Variants in EIF4ENIF1 observed in about 807,000 individuals in gnomAD.
EIF4ENIF1 encodes eukaryotic translation initiation factor 4E transporter.
In EIF4ENIF1, 23 loss-of-function variants were observed where a neutral mutation model predicts 110.5. The ratio of observed to expected loss-of-function variants is 0.21; its 90% CI spans 0.15 to 0.29. EIF4ENIF1 has a LOEUF of 0.29. Among genes scored for constraint, EIF4ENIF1 ranks in the 10% least tolerant of loss-of-function variants. The probability of loss-of-function intolerance (pLI) is 1.00; values close to 1 mark genes in which losing one functional copy is unlikely to be tolerated. For synonymous variants in EIF4ENIF1, 440 were observed against 437.0 expected (o/e 1.01, Z -0.09); for missense variants, 1,031 against 1,221.1 (o/e 0.84, Z 2.32).
rs187069445 is a variant in EIF4ENIF1, at chr22:31,475,435, G to A, written c.97-3518C>T. ...GCCTGGGCAATATAAGGAGACACCT[G>A]TCTCTACAAAAAATATTTTAAAATT... On this transcript the variant is annotated intron_variant, in intron 2 of 18. Coordinates refer to ENST00000330125, the MANE Select transcript of EIF4ENIF1 (RefSeq NM_019843.4). 2.6e-5 allele frequency among the ~76,000 whole-genome samples: 4 copies of A among 152,152 alleles called. No individual in the cohort carries two copies. The East Asian group carries it at 7.7e-4, about 29-fold the overall frequency.
intron 4 of EIF4ENIF1, among the ~76,000 whole-genome samples, chr22:31,466,533 G>C (rs1227318780): frequency 6.7e-6 from 1 of 150,314 alleles, no homozygotes; most frequent in Admixed American, 6.7e-5. Flanking sequence ...AGTAAGCAGA[G>C]ACCACGCCAC....
rs1383788713 is a variant in EIF4ENIF1 at position 31,458,489 on chromosome 22, G to A, written c.949C>T (p.Pro317Ser). 5 of 1,594,744 alleles carry A rather than the reference G, an allele frequency of 3.1e-6. No homozygotes were observed. The Admixed American group carries it at 5.1e-5, about 16-fold the overall frequency. Residue 317 changes from proline (P) to serine (S), a missense_variant, in exon 7 of 19, where the codon CCA becomes TCA. By Grantham distance (74) the Pro-to-Ser change is moderately conservative. Transcript: ENST00000330125. ...GCTACACTCACCGAAGCCAAGCATGGCACCTTATCAAGGTTAAAGAACTCA... is the reference window on the plus strand; with the variant it reads ...GCTACACTCACCGAAGCCAAGCATGACACCTTATCAAGGTTAAAGAACTCA... ...FNEFFNLDKVPCLASMIEDVL... is the reference protein window; with the variant it reads ...FNEFFNLDKVSCLASMIEDVL...
At chr22:31,490,255 G>T (rs2052225214), upstream of EIF4ENIF1, among the ~76,000 whole-genome samples, 1 of 152,268 alleles carries the variant, frequency 6.6e-6, no homozygotes. Context: ...CCTGTGGCGC[G>T]ACGACCGCTG....
At chr22:31,467,651 C>G (rs1467447260) in intron 4 of EIF4ENIF1, among the ~76,000 whole-genome samples, 2 of 151,996 alleles carry the variant, frequency 1.3e-5, no homozygotes, top group Non-Finnish European at 2.9e-5. Context: ...GGTGAAACCC[C>G]ATCTCTACTA....
At chr22:31,460,921 G>A (rs1340599877) in intron 6 of EIF4ENIF1, among the ~76,000 whole-genome samples, 3 of 152,118 alleles carry the variant, frequency 2.0e-5, no homozygotes, top group Non-Finnish European at 2.9e-5. Flanking sequence ...CTCCAGCCTA[G>A]GCAACAAAGC....
At chr22:31,474,024 T>C (rs1376744925) in intron 2 of EIF4ENIF1, among the ~76,000 whole-genome samples, 2 of 152,050 alleles carry the variant, frequency 1.3e-5, no homozygotes, top group Non-Finnish European at 2.9e-5. Context: ...TATATACCTA[T>C]GTATTATTGG....
intron 3 of EIF4ENIF1, among the ~76,000 whole-genome samples, chr22:31,468,796 T>C (rs1419826936): frequency 6.6e-6 from 1 of 152,218 alleles, no homozygotes; most frequent in Non-Finnish European, 1.5e-5. Context: ...TGCTTTGTTG[T>C]TGATCACACA....
intron 2 of EIF4ENIF1, among the ~76,000 whole-genome samples, chr22:31,475,792 T>C (rs2146054296): frequency 6.6e-6 from 1 of 150,862 alleles, no homozygotes; most frequent in East Asian, 1.9e-4. Context: ...GGAGGGTCAC[T>C]TGAGGTCAAG....
At chr22:31,488,061 A>G (rs1229062479) in intron 2 of EIF4ENIF1, among the ~76,000 whole-genome samples, 2 of 152,152 alleles carry the variant, frequency 1.3e-5, no homozygotes, top group Admixed American at 6.5e-5. Context: ...TCTCTCCCAA[A>G]AGCAGTTATC....
chr22:31,440,791 A>G lies in EIF4ENIF1; in HGVS notation c.2629T>C (p.Leu877=). ...GPILGQPFYP[L]PAASHPLLNP... ...AAGAGAGGGTGACTAGCAGCAGGTA[A>G]AGGGTAAAAGGGCTGACCCAGGATG... The change falls in exon 18 of 19, where the codon TTA becomes CTA. Residue 877 remains leucine (L), a synonymous_variant. Transcript: ENST00000330125. 2 of 1,614,002 alleles carry G rather than the reference A, an allele frequency of 1.2e-6. No individual in the cohort carries two copies. The highest frequency in any genetic ancestry group is 1.7e-6 in the Non-Finnish European group (2 of 1,179,884).
chr22:31,471,402 C>T (rs1340373034), intron 3 of EIF4ENIF1, among the ~76,000 whole-genome samples: 1 of 151,956 alleles, frequency 6.6e-6, no homozygotes, highest in Non-Finnish European at 1.5e-5. Flanking sequence ...GCAGGCTCCG[C>T]CTCCCGAGTT....
chr22:31,446,988 A>T (rs1167867498), intron 14 of EIF4ENIF1: 1 of 468,580 alleles, frequency 2.1e-6, no homozygotes. Flanking sequence ...GCATCAAGGG[A>T]GTTTGATAAG....
In EIF4ENIF1 at chr22:31,447,583, G is replaced by A; in HGVS notation, c.1849-18C>T. ...TGGCTCATCTGCTGAAAAGGAGAGG[G>A]GAGGGTCAGGAGAAGAGTAAGGACA... On this transcript the variant is annotated intron_variant, in intron 13 of 18. Coordinates refer to ENST00000330125, the MANE Select transcript of EIF4ENIF1 (RefSeq NM_019843.4). 6.3e-7 allele frequency: 1 copy of A among 1,590,824 alleles called. No individual in the cohort carries two copies. The highest frequency in any genetic ancestry group is 8.6e-7 in the Non-Finnish European group (1 of 1,165,662).
intron 10 of EIF4ENIF1, 149 bp from the exon 11 acceptor site, chr22:31,450,509 C>T (rs917920094): frequency 2.3e-5 from 13 of 555,342 alleles, no homozygotes; most frequent in Non-Finnish European, 3.6e-5. Flanking sequence ...CAACGTGTTC[C>T]GCTCTCATCA....
In EIF4ENIF1 at chr22:31,442,044, C is replaced by A; in HGVS notation, c.2281G>T (p.Ala761Ser). 3 of 1,614,140 alleles carry A rather than the reference C, an allele frequency of 1.9e-6. 1 individual carries two copies. The highest frequency in any genetic ancestry group is 2.5e-6 in the Non-Finnish European group (3 of 1,180,028). ...SSPTTNSKLS[A>S]LQRSSCSTPL... Reference sequence around the variant, plus strand: ...GTGGAACACGAAGACCTCTGTAATGCTGACAGTTTGGAATTTGTAGTGGGA... The same window carrying A: ...GTGGAACACGAAGACCTCTGTAATGATGACAGTTTGGAATTTGTAGTGGGA... Residue 761 changes from alanine (A) to serine (S), a missense_variant, in exon 17 of 19, where the codon GCA becomes TCA. Physicochemically the swap from Ala to Ser is moderately conservative, Grantham distance 99 (BLOSUM62 1). This residue lies in a region of EIF4ENIF1 where 309 missense variants were observed against 299.1 expected (regional missense o/e 1.03). Transcript: ENST00000330125.
At chr22:31,481,970 G>C (rs2051831205) in intron 2 of EIF4ENIF1, among the ~76,000 whole-genome samples, 1 of 151,988 alleles carries the variant, frequency 6.6e-6, no homozygotes, top group Admixed American at 6.6e-5. Flanking sequence ...AGGAGTTGGA[G>C]ACCAGCCTGG....
Position 31,439,618 on chromosome 22 carries a change from T to G in EIF4ENIF1, c.*262A>C. 1 of 500,268 alleles carries G rather than the reference T, an allele frequency of 2.0e-6. No homozygotes were observed. The highest frequency in any genetic ancestry group is 3.5e-6 in the Non-Finnish European group (1 of 285,272). The allele number at this position is 500,268 out of a possible 1,614,324, so 31.0% of individuals were successfully genotyped here. ...CACCTCTTGGTGAGGACACCAACAC[T>G]TCATTCACATATCTTACAAAAAAGA... On this transcript the variant is annotated 3_prime_UTR_variant, in exon 19 of 19. Coordinates refer to ENST00000330125, the MANE Select transcript of EIF4ENIF1 (RefSeq NM_019843.4).
chr22:31,491,490 A>AT (rs138684309), upstream of EIF4ENIF1, among the ~76,000 whole-genome samples: 1,209 of 152,046 alleles, frequency 8.0e-3, 23 homozygotes, highest in African/African-American at 0.026. Context: ...CCCTTTCCTC[A>AT]TTTTTCCGAA....
chr22:31,450,294 G>C lies in EIF4ENIF1; in HGVS notation c.1579C>G (p.Leu527Val), dbSNP rs753162013. The C allele has an allele frequency of 6.2e-6, 10 of 1,613,090 alleles. No individual in the cohort carries two copies. The South Asian group carries it at 1.1e-4, about 18-fold the overall frequency. ...IPGQPVPKNI[L>V]QELLGQPVQR... is the part of the protein sequence containing the mutation. The stretch of plus-strand genomic sequence containing the variant: ...AGTATAAGATTGTGAAGTACCTGCA[G>C]GATGTTCTTAGGGACAGGCTGGCCT... The change falls in exon 11 of 19, where the codon CTG (leucine) becomes GTG (valine). Residue 527 changes from leucine to valine, a missense_variant. Transcript: ENST00000330125.
Sources: gnomAD v4.1 joint callset for allele counts (sites outside exome capture counted in the v4.1 genomes callset) on GRCh38, gnomAD v4.1.1 for gene constraint, gnomAD v4.1.1 regional missense constraint, MANE v1.5 for transcripts, NCBI Gene and HGNC (gene_info 2026-07-23, HGNC 2026-07-21) for gene names.